Variants in RBFOX1 observed in about 807,000 individuals in gnomAD.
The protein encoded by RBFOX1 is RNA binding fox-1 homolog 1.
A neutral mutation model predicts 57.7 loss-of-function variants in RBFOX1; 8 were observed. That is an observed-to-expected ratio of 0.14 (90% CI 0.08 to 0.25). The LOEUF is 0.25. RBFOX1 is among the 10% of genes least tolerant of loss of function. RBFOX1 has a pLI of 1.00. For synonymous variants in RBFOX1, 326 were observed against 222.4 expected (o/e 1.47, Z -4.15); for missense variants, 611 against 548.5 (o/e 1.11, Z -1.14).
At chr16:6,550,596 G>A (rs1299219292) in intron 2 of RBFOX1, among the ~76,000 whole-genome samples, 1 of 152,210 alleles carries the variant, frequency 6.6e-6, no homozygotes, top group Non-Finnish European at 1.5e-5. Flanking sequence ...AAAGTGCTGG[G>A]ATTACAGGCA....
At chr16:6,247,094 C>T (rs138557024) in intron 1 of RBFOX1, among the ~76,000 whole-genome samples, 2 of 152,126 alleles carry the variant, frequency 1.3e-5, no homozygotes, top group Non-Finnish European at 2.9e-5. Context: ...AAAAAAAATT[C>T]TGACCACTGT....
chr16:5,678,934 T>C (rs1027039796), intron 3 of RBFOX1, among the ~76,000 whole-genome samples: 2 of 152,212 alleles, frequency 1.3e-5, no homozygotes, highest in African/African-American at 2.4e-5. Context: ...TTAATGGTAA[T>C]GCGGAGGATG....
At chr16:7,429,870 C>T (rs1027065309) in intron 4 of RBFOX1, among the ~76,000 whole-genome samples, 4 of 152,176 alleles carry the variant, frequency 2.6e-5, no homozygotes, top group South Asian at 2.1e-4. Context: ...ATGTATTGCA[C>T]ACTCTTCTAG....
intron 3 of RBFOX1, among the ~76,000 whole-genome samples, chr16:6,743,052 G>A (rs999765279): frequency 9.2e-5 from 14 of 152,024 alleles, no homozygotes; most frequent in African/African-American, 3.4e-4. Context: ...AGCAGGATAG[G>A]GAAACAATAC....
chr16:5,792,220 T>C (rs1318863866), intron 3 of RBFOX1, among the ~76,000 whole-genome samples: 2 of 152,220 alleles, frequency 1.3e-5, no homozygotes, highest in African/African-American at 4.8e-5. Context: ...TGGCACTGAA[T>C]GGCTTCTCTG....
chr16:6,199,461 A>G (rs1013816679), intron 1 of RBFOX1, among the ~76,000 whole-genome samples: 1 of 152,176 alleles, frequency 6.6e-6, no homozygotes, highest in African/African-American at 2.4e-5. Context: ...TCCAGGATGA[A>G]TCAGTAGATC....
Position 5,946,471 on chromosome 16 carries a change from A to G in RBFOX1, c.351+79136A>G, listed in dbSNP as rs1387009654. On this transcript the variant is annotated intron_variant, in intron 4 of 19. Transcript: ENST00000641259. This position sits in a 1 kb window ranked among gnomAD's most constrained non-coding sequence, Gnocchi z 4.6. The stretch of plus-strand genomic sequence containing the variant: ...CAGCTCAGCCAAGATCTCTGCTCTC[A>G]TGGAATGGGAGTGCCTCATGGTGGG... Among the ~76,000 whole-genome samples, 1 of 152,146 alleles carries G rather than the reference A, an allele frequency of 6.6e-6. No homozygotes were observed. The highest frequency in any genetic ancestry group is 1.5e-5 in the Non-Finnish European group (1 of 68,022).
chr16:6,387,186 G>A (rs1287317399), intron 2 of RBFOX1, among the ~76,000 whole-genome samples: 3 of 152,200 alleles, frequency 2.0e-5, no homozygotes, highest in Non-Finnish European at 4.4e-5. Context: ...GAATAAGGCA[G>A]TTCTTGTAAG....
At chr16:6,805,860 C>G (rs570126639) in intron 3 of RBFOX1, among the ~76,000 whole-genome samples, 8 of 152,308 alleles carry the variant, frequency 5.3e-5, no homozygotes, top group Admixed American at 3.3e-4. Flanking sequence ...TACAGTCACA[C>G]TTGGCTCTTT....
At chr16:5,386,858 C>T (rs1484977722) in intron 1 of RBFOX1, among the ~76,000 whole-genome samples, 2 of 152,136 alleles carry the variant, frequency 1.3e-5, no homozygotes, top group African/African-American at 4.8e-5. Flanking sequence ...GGAGACCAGC[C>T]TGCCCAACAC....
At chr16:7,099,106 AG>A (rs751990866) in intron 4 of RBFOX1, among the ~76,000 whole-genome samples, 34 of 152,330 alleles carry the variant, frequency 2.2e-4, no homozygotes, top group South Asian at 6.2e-4. Flanking sequence ...TTGCAAAAAT[AG>A]TACTTAGAAT....
At chr16:6,442,227 G>A (rs1003410293) in intron 2 of RBFOX1, among the ~76,000 whole-genome samples, 13 of 152,224 alleles carry the variant, frequency 8.5e-5, no homozygotes, top group South Asian at 4.1e-4. Context: ...CTTAAAGGGG[G>A]ACACATCCAC....
At chr16:6,758,730 A>G (rs2076175789) in intron 3 of RBFOX1, among the ~76,000 whole-genome samples, 1 of 152,216 alleles carries the variant, frequency 6.6e-6, no homozygotes, top group Non-Finnish European at 1.5e-5. Flanking sequence ...AAATGCTTAT[A>G]TTGATTGCCA....
At chr16:7,182,526 A>G (rs2082923924) in intron 4 of RBFOX1, among the ~76,000 whole-genome samples, 1 of 152,212 alleles carries the variant, frequency 6.6e-6, no homozygotes, top group Non-Finnish European at 1.5e-5. Context: ...AACTGTTGTT[A>G]TAGAAATATG....
chr16:7,179,015 T>G (rs1388867563), intron 4 of RBFOX1, among the ~76,000 whole-genome samples: 1 of 152,186 alleles, frequency 6.6e-6, no homozygotes, highest in African/African-American at 2.4e-5. Flanking sequence ...CTAATAAAGC[T>G]GCAGTAGGAA....
At chr16:5,662,669 T>C (rs1171834226) in intron 3 of RBFOX1, among the ~76,000 whole-genome samples, 1 of 152,204 alleles carries the variant, frequency 6.6e-6, no homozygotes, top group East Asian at 1.9e-4. Context: ...ACATGAAATA[T>C]GGAGAATTGT....
intron 4 of RBFOX1, among the ~76,000 whole-genome samples, chr16:7,329,074 G>A (rs1188274854): frequency 1.3e-5 from 2 of 152,120 alleles, no homozygotes; most frequent in Non-Finnish European, 1.5e-5. Context: ...TATTGTCAAC[G>A]GATGCTTTTT....
chr16:6,434,381 C>G (rs1395187056), intron 2 of RBFOX1, among the ~76,000 whole-genome samples: 1 of 152,104 alleles, frequency 6.6e-6, no homozygotes, highest in Non-Finnish European at 1.5e-5. Context: ...CCAGCTTCCT[C>G]TTCTCGATGG....
At chr16:7,018,172 G>A (rs1170868526) in intron 3 of RBFOX1, among the ~76,000 whole-genome samples, 3 of 152,088 alleles carry the variant, frequency 2.0e-5, no homozygotes, top group African/African-American at 4.8e-5. Flanking sequence ...GAATTTCCAC[G>A]AGCCGTGCAT....
Sources: gnomAD v4.1 joint callset for allele counts (sites outside exome capture counted in the v4.1 genomes callset) on GRCh38, gnomAD v4.1.1 for gene constraint, Gnocchi (gnomAD v3.1) non-coding constraint, MANE v1.5 for transcripts, NCBI Gene and HGNC (gene_info 2026-07-23, HGNC 2026-07-21) for gene names.